Variants in SDE2 observed in about 807,000 individuals in gnomAD.
SDE2 encodes the protein spliceosome associated SDE2.
SDE2 carries 31 observed loss-of-function variants against 46.9 expected under a neutral mutation model. That is an observed-to-expected ratio of 0.66 (90% CI 0.50 to 0.89). The LOEUF (loss-of-function observed/expected upper bound fraction) is 0.89. SDE2 is among the 40% of genes least tolerant of loss of function. The pLI is 0.00. For synonymous variants in SDE2, 205 were observed against 204.3 expected, an observed-to-expected ratio of 1.00 and a Z score of -0.03; for missense variants, 542 against 564.4, an observed-to-expected ratio of 0.96 and a Z score of 0.40.
chr1:225,994,355 C>A (rs1263226418), intron 2 of SDE2, among the ~76,000 whole-genome samples: 1 of 152,206 alleles, frequency 6.6e-6, no homozygotes, highest in African/African-American at 2.4e-5. Flanking sequence ...GGATTACAGG[C>A]GTGAGCCACC....
Position 225,991,352 on chromosome 1 carries a change from C to T in SDE2, c.532G>A (p.Ala178Thr). The change falls in exon 5 of 7, where the codon GCC (alanine) becomes ACC (threonine). Residue 178 changes from alanine (A) to threonine (T), a missense_variant. Physicochemically the swap from Ala to Thr is moderately conservative, Grantham distance 58 (BLOSUM62 0). Around this residue, in one of 3 missense-constraint regions of SDE2, gnomAD observed 401 missense variants for 437.8 expected, o/e 0.92. Transcript: ENST00000272091. Reference protein sequence around the residue: ...EDSVLKGMQAASSKMVSAEIS... With the variant: ...EDSVLKGMQATSSKMVSAEIS... ...TCTGCTGAAACCATCTTGCTGGAGG[C>T]AGCCTGCATACCTAACCAGAAATTT... 1.9e-6 allele frequency: 3 copies of T among 1,613,666 alleles called. No homozygotes were observed. The highest frequency in any genetic ancestry group is 1.1e-5 in the South Asian group (1 of 91,050).
chr1:225,993,853 T>C (rs1656459078), intron 2 of SDE2, among the ~76,000 whole-genome samples: 2 of 152,070 alleles, frequency 1.3e-5, no homozygotes, highest in South Asian at 4.1e-4. Flanking sequence ...CACTGCAGCC[T>C]TGAACTCCTG....
chr1:225,999,209 C>G lies in SDE2; in HGVS notation c.104G>C (p.Arg35Pro). Reference sequence around the variant, plus strand: ...AATCCTCACCTGATCTTGGCAGTGCCGGTGGATAAAATCCCGGACGGTGCA... The same window carrying G: ...AATCCTCACCTGATCTTGGCAGTGCGGGTGGATAAAATCCCGGACGGTGCA... The part of the protein sequence containing the change: ...GRCTVRDFIH[R>P]HCQDQNVPVE... Residue 35 changes from arginine to proline, a missense_variant, in exon 1 of 7, where the codon CGG (arginine) becomes CCG (proline). Arg to Pro is a moderately radical substitution (Grantham distance 103). Transcript: ENST00000272091. 1 of 1,612,556 alleles carries G rather than the reference C, an allele frequency of 6.2e-7. No homozygotes were observed. The highest frequency in any genetic ancestry group is 1.1e-5 in the South Asian group (1 of 90,892).
At chr1:225,987,273 A>T (rs2755090) in intron 6 of SDE2, among the ~76,000 whole-genome samples, 1 of 152,096 alleles carries the variant, frequency 6.6e-6, no homozygotes, top group South Asian at 2.1e-4. Flanking sequence ...GGCTGGTGTC[A>T]AGCTCCTGAC....
chr1:225,988,851 G>GA (rs1656328999), intron 5 of SDE2, among the ~76,000 whole-genome samples: 2 of 152,136 alleles, frequency 1.3e-5, no homozygotes, highest in Admixed American at 6.6e-5. Context: ...TAAACAGAAG[G>GA]AAAAAACATT....
chr1:225,990,730 C>T (rs1656380123), intron 5 of SDE2, among the ~76,000 whole-genome samples: 1 of 152,114 alleles, frequency 6.6e-6, no homozygotes, highest in Non-Finnish European at 1.5e-5. Flanking sequence ...AACTTATTTT[C>T]AAGAACTTGG....
Position 225,988,236 on chromosome 1 carries a change from C to G in SDE2, c.794G>C (p.Gly265Ala), listed in dbSNP as rs1382995493. 6.2e-7 allele frequency: 1 copy of G among 1,614,154 alleles called. No homozygotes were observed. Among genetic ancestry groups the G allele is most frequent in the Non-Finnish European group, 8.5e-7 (1 of 1,180,024 alleles). ...ATTCACTACTCTCGCCCTCTGAGAA[C>G]CACTGGGAAATTTGGCTGCCATCTC... ...GVEMAAKFPSGSQRARVVNTD... is the reference protein window; with the variant it reads ...GVEMAAKFPSASQRARVVNTD... The change falls in exon 6 of 7, where the codon GGT (glycine) becomes GCT (alanine). Residue 265 changes from glycine to alanine, a missense_variant. By Grantham distance (60) the Gly-to-Ala change is moderately conservative. Around this residue, in one of 3 missense-constraint regions of SDE2, gnomAD observed 401 missense variants for 437.8 expected, o/e 0.92. Coordinates refer to ENST00000272091, the MANE Select transcript of SDE2 (RefSeq NM_152608.4).
chr1:225,999,336 G>A lies in SDE2; in HGVS notation c.-24C>T, dbSNP rs377317026. ...ATGTCACCGACTACCCGAACCTCAA[G>A]CCTCTCTGAGACACCAGGCGCCGCA... On this transcript the variant is annotated 5_prime_UTR_variant, in exon 1 of 7. Transcript: ENST00000272091. The A allele has an allele frequency of 1.7e-5, 27 of 1,603,406 alleles. No homozygotes were observed. Among genetic ancestry groups the A allele is most frequent in the Non-Finnish European group, 2.0e-5 (24 of 1,174,496 alleles).
chr1:225,987,237 G>C (rs1232068069), intron 6 of SDE2, among the ~76,000 whole-genome samples: 2 of 152,044 alleles, frequency 1.3e-5, no homozygotes, highest in African/African-American at 4.8e-5. Context: ...ATTTTTAATA[G>C]AGACAGGGTT....
At chr1:225,986,317 AGAGT>A (rs746889916) in intron 6 of SDE2, among the ~76,000 whole-genome samples, 41 of 151,752 alleles carry the variant, frequency 2.7e-4, no homozygotes, top group Non-Finnish European at 5.6e-4. Flanking sequence ...CCTGAGCAAC[AGAGT>A]GAGACTCTGT....
At chr1:225,991,626 T>C (rs970973754) in intron 4 of SDE2, among the ~76,000 whole-genome samples, 3 of 152,138 alleles carry the variant, frequency 2.0e-5, no homozygotes, top group Admixed American at 1.3e-4. Flanking sequence ...TCCCCAAACC[T>C]AATTATTTAT....
intron 1 of SDE2, 34 bp from the exon 2 acceptor site, chr1:225,995,417 TGA>T (rs760958488): frequency 1.9e-6 from 2 of 1,077,564 alleles, no homozygotes; most frequent in Admixed American, 3.5e-5. Context: ...ATGCCTTTTA[TGA>T]GATAATAATC....
intron 4 of SDE2, 42 bp from the exon 5 acceptor site, chr1:225,991,405 T>A: frequency 6.5e-7 from 1 of 1,543,130 alleles, no homozygotes; most frequent in Non-Finnish European, 8.9e-7. Context: ...CTATAGGGAC[T>A]AAGTTTAAAG....
chr1:225,991,965 G>C (rs971283078), intron 4 of SDE2, among the ~76,000 whole-genome samples: 1 of 152,178 alleles, frequency 6.6e-6, no homozygotes, highest in African/African-American at 2.4e-5. Flanking sequence ...CCAAGCACGA[G>C]GTTAGGAGTT....
At position 225,997,700 on chromosome 1, in the gene SDE2, G is replaced by C. The variant is rs146711879; in HGVS notation, c.120+1493C>G. Among the ~76,000 whole-genome samples, 611 of 152,280 alleles carry C rather than the reference G, an allele frequency of 4.0e-3. 19 individuals carry two copies. In the East Asian group the frequency reaches 0.067, roughly 17 times the overall value. ...CCCGCCTCGACCTCCCTAAGTGTTG[G>C]AATTACAGGCGTGAGCCACCACGCC... On this transcript the variant is annotated intron_variant, in intron 1 of 6. Coordinates refer to ENST00000272091, the MANE Select transcript of SDE2 (RefSeq NM_152608.4).
At position 225,995,399 on chromosome 1, in the gene SDE2, T is replaced by C. The variant is rs199974969; in HGVS notation, c.121-16A>G. 8.7e-5 allele frequency: 119 copies of C among 1,361,750 alleles called. No individual in the cohort carries two copies. Among genetic ancestry groups the C allele is most frequent in the Middle Eastern group, 1.8e-4 (1 of 5,540 alleles). The allele number at this position is 1,361,750 out of a possible 1,614,324, so 84.4% of individuals were successfully genotyped here. A position where few individuals can be genotyped will look rare whatever the true frequency, so the allele number is the denominator to read the frequency against. ...CTGGAACATTCTAGAGACAAATTTGTTTTTTTAATGCCTTTTATGAGATAA... is the reference window on the plus strand; with the variant it reads ...CTGGAACATTCTAGAGACAAATTTGCTTTTTTAATGCCTTTTATGAGATAA... On this transcript the variant is annotated splice_polypyrimidine_tract_variant and intron_variant, in intron 1 of 6. Transcript: ENST00000272091.
intron 5 of SDE2, among the ~76,000 whole-genome samples, chr1:225,989,696 T>C (rs1656351064): frequency 1.3e-5 from 2 of 150,710 alleles, no homozygotes; most frequent in African/African-American, 2.4e-5. Context: ...AAAAAATATA[T>C]AAAGAAAATC....
intron 2 of SDE2, among the ~76,000 whole-genome samples, chr1:225,994,081 CTTT>C (rs371544719): frequency 2.1e-5 from 3 of 140,810 alleles, no homozygotes; most frequent in Non-Finnish European, 3.1e-5. Flanking sequence ...ATGCTTCATT[CTTT>C]TTTTTTTTTT....
chr1:225,987,739 T>G (rs1489318342), intron 6 of SDE2, among the ~76,000 whole-genome samples, 157 bp downstream of exon 6: 1 of 152,206 alleles, frequency 6.6e-6, no homozygotes, highest in Non-Finnish European at 1.5e-5. Context: ...AAAAAGTTTT[T>G]GGGGAATAAG....
Sources: gnomAD v4.1 joint callset for allele counts (sites outside exome capture counted in the v4.1 genomes callset) on GRCh38, gnomAD v4.1.1 for gene constraint, gnomAD v4.1.1 regional missense constraint, MANE v1.5 for transcripts, NCBI Gene and HGNC (gene_info 2026-07-23, HGNC 2026-07-21) for gene names.